Variants in TDRD9 observed in about 807,000 individuals in gnomAD.
The protein encoded by TDRD9 is tudor domain containing 9.
TDRD9 carries 124 observed loss-of-function variants against 172.6 expected under a neutral mutation model. The observed-to-expected ratio is 0.72, with a 90% CI of 0.62 to 0.83. The LOEUF is 0.83. Ranked by LOEUF, TDRD9 falls within the 40% of genes least tolerant of loss-of-function variation. TDRD9 has a pLI of 0.00. For missense variants in TDRD9, 1,479 were observed against 1,714.1 expected (o/e 0.86, Z 2.42); for synonymous variants, 619 against 617.1 (o/e 1.00, Z -0.05).
At chr14:103,937,416 A>G (rs987612655) in intron 1 of TDRD9, among the ~76,000 whole-genome samples, 2 of 152,210 alleles carry the variant, frequency 1.3e-5, no homozygotes, top group South Asian at 2.1e-4. Context: ...GACCCTGTTC[A>G]GATACCTCCT....
At chr14:103,930,218 C>T (rs2152112026) in intron 1 of TDRD9, among the ~76,000 whole-genome samples, 1 of 151,774 alleles carries the variant, frequency 6.6e-6, no homozygotes, top group East Asian at 1.9e-4. Flanking sequence ...CATAGTTTCG[C>T]TCTTGTTGCC....
chr14:103,928,516 C>A lies in TDRD9; in HGVS notation c.7C>A (p.Arg3=). The change falls in exon 1 of 36, where the codon CGG becomes AGG. Residue 3 remains arginine (R), a synonymous_variant. Transcript: ENST00000409874. The stretch of plus-strand genomic sequence containing the variant: ...CGACGCCTGGGCCTTGAGGATGCTG[C>A]GGAAGCTCACCATCGAGCAGATCAA... The part of the protein sequence containing the change: ML[R]KLTIEQINDW... The A allele has an allele frequency of 1.4e-6, 2 of 1,424,188 alleles. No homozygotes were observed. Among genetic ancestry groups the A allele is most frequent in the South Asian group, 1.3e-5 (1 of 74,324 alleles). 88.2% of individuals were successfully genotyped at this position (1,424,188 alleles called of 1,614,324 possible).
chr14:103,978,541 G>A (rs1392444141), intron 7 of TDRD9, among the ~76,000 whole-genome samples: 2 of 152,140 alleles, frequency 1.3e-5, no homozygotes, highest in East Asian at 3.8e-4. Context: ...TGCTACATTA[G>A]GTTTGGTCGC....
At chr14:103,986,445 T>C in intron 8 of TDRD9, 125 bp downstream of exon 8, 2 of 657,716 alleles carry the variant, frequency 3.0e-6, no homozygotes, top group South Asian at 2.1e-5. Context: ...GTAGTTACTG[T>C]ATATATTTTA....
intron 1 of TDRD9, among the ~76,000 whole-genome samples, chr14:103,939,557 G>A (rs891601284): frequency 6.6e-6 from 1 of 151,294 alleles, no homozygotes; most frequent in Non-Finnish European, 1.5e-5. Context: ...GACTGTGTTT[G>A]TCCTGTTAAA....
intron 13 of TDRD9, among the ~76,000 whole-genome samples, 172 bp downstream of exon 13, chr14:103,998,900 C>T (rs1164097504): frequency 3.3e-5 from 5 of 151,296 alleles, no homozygotes; most frequent in Non-Finnish European, 7.4e-5. Context: ...TCTTGCCATT[C>T]TCCTGCCTCA....
chr14:104,042,485 G>T (rs539126297), intron 34 of TDRD9, among the ~76,000 whole-genome samples: 1 of 152,216 alleles, frequency 6.6e-6, no homozygotes, highest in South Asian at 2.1e-4. Flanking sequence ...AGGGATTGGG[G>T]GAGTCCGGCT....
chr14:103,943,559 C>T (rs1187446), intron 1 of TDRD9, among the ~76,000 whole-genome samples: 35,646 of 149,122 alleles, frequency 0.24, 4,863 homozygotes, highest in South Asian at 0.43. Context: ...CTGTGTTGCC[C>T]AGGCTGGTCC....
chr14:104,004,223 ATC>A lies in TDRD9; in HGVS notation c.1484-10_1484-9del, dbSNP rs761061226. On this transcript the variant is annotated splice_polypyrimidine_tract_variant and intron_variant, in intron 13 of 35. Coordinates refer to ENST00000409874, the MANE Select transcript of TDRD9 (RefSeq NM_153046.3). ...AATTAATGCCAAACACTGTTTGCAC[ATC>A]TCTCCTTTGAAGGCCGTGCTGGACG... The A allele has an allele frequency of 6.9e-7, 1 of 1,441,650 alleles. No homozygotes were observed. Among genetic ancestry groups the A allele is most frequent in the Non-Finnish European group, 9.7e-7 (1 of 1,032,204 alleles). The allele number at this position is 1,441,650 out of a possible 1,614,324, so 89.3% of individuals were successfully genotyped here.
At chr14:103,943,857 G>C (rs1051884546) in intron 1 of TDRD9, among the ~76,000 whole-genome samples, 13 of 152,248 alleles carry the variant, frequency 8.5e-5, no homozygotes, top group African/African-American at 3.1e-4. Context: ...CCAGAGTGAC[G>C]TGTGTGGCCA....
chr14:104,004,922 G>A (rs986303317), intron 14 of TDRD9, among the ~76,000 whole-genome samples: 9 of 151,988 alleles, frequency 5.9e-5, no homozygotes, highest in African/African-American at 1.7e-4. Flanking sequence ...GTAATTGTGG[G>A]ATCAGCTTTT....
intron 20 of TDRD9, chr14:104,013,780 C>T (rs1345798163): frequency 6.6e-6 from 1 of 152,106 alleles, no homozygotes; most frequent in African/African-American, 2.4e-5. Flanking sequence ...GATGTGGTAA[C>T]CTCTTGGGAG....
Position 104,024,650 on chromosome 14 carries a change from A to G in TDRD9, c.2688A>G (p.Thr896=), listed in dbSNP as rs559335049. Residue 896 remains threonine (T), a synonymous_variant, in exon 25 of 36, where the codon ACA becomes ACG. Coordinates refer to ENST00000409874, the MANE Select transcript of TDRD9 (RefSeq NM_153046.3). ...CATCAGACAGGTCCCAGACAGTTAC[A>G]GATCTCCTTCTAACTATTGATGTCA... ...FNTSDRSQTV[T]DLLLTIDVTE... 1.9e-5 allele frequency: 30 copies of G among 1,610,560 alleles called. No homozygotes were observed. The Admixed American group carries it at 2.7e-4, about 14-fold the overall frequency.
chr14:104,043,793 A>G (rs1227279994), intron 34 of TDRD9, among the ~76,000 whole-genome samples: 2 of 152,228 alleles, frequency 1.3e-5, no homozygotes, highest in African/African-American at 4.8e-5. Flanking sequence ...AACACAACCT[A>G]GCTCTTCAGC....
rs563368593 is a variant in TDRD9 at position 103,936,439 on chromosome 14, C to G, written c.215+7715C>G. 7.4e-4 allele frequency among the ~76,000 whole-genome samples: 112 copies of G among 152,250 alleles called. 2 individuals are homozygous for G. The South Asian group carries it at 0.013, about 18-fold the overall frequency. On this transcript the variant is annotated intron_variant, in intron 1 of 35. Transcript: ENST00000409874. Reference sequence around the variant, plus strand: ...GCTTACAATATGTCATGTCCTTATTCTAGACATGGTGAGAGTTGCTTCCTC... The same window carrying G: ...GCTTACAATATGTCATGTCCTTATTGTAGACATGGTGAGAGTTGCTTCCTC...
Position 104,016,044 on chromosome 14 carries a change from G to A in TDRD9, c.2287G>A (p.Ala763Thr), listed in dbSNP as rs745509162. 122 of 1,604,372 alleles carry A rather than the reference G, an allele frequency of 7.6e-5. 3 individuals carry two copies. Among genetic ancestry groups the A allele is most frequent in the Middle Eastern group, 3.5e-4 (2 of 5,744 alleles). ...TTTTGGACAGCCGGATGAGGAGATG[G>A]CGGTGAGGGAGCTGGCTGGCAAGGA... Reference protein sequence around the residue: ...FTFGQPDEEMAVRELAGKDPK... With the variant: ...FTFGQPDEEMTVRELAGKDPK... The change falls in exon 22 of 36, where the codon GCG (alanine) becomes ACG (threonine). Residue 763 changes from alanine (A) to threonine (T), a missense_variant. This residue lies in a region of TDRD9 where 1,413 missense variants were observed against 1,649.1 expected (regional missense o/e 0.86). Transcript: ENST00000409874.
At chr14:103,964,650 C>T (rs530438691) in intron 3 of TDRD9, among the ~76,000 whole-genome samples, 1 of 152,264 alleles carries the variant, frequency 6.6e-6, no homozygotes, top group Admixed American at 6.5e-5. Context: ...CTTCAACCTC[C>T]CAAGTAGCTG....
intron 2 of TDRD9, among the ~76,000 whole-genome samples, chr14:103,959,478 G>A (rs1192217595): frequency 7.4e-6 from 1 of 134,520 alleles, no homozygotes; most frequent in Non-Finnish European, 1.6e-5. Context: ...GTGTGTGTGT[G>A]TGTATGTATA....
chr14:104,022,431 T>C, intron 24 of TDRD9, 101 bp downstream of exon 24: 1 of 1,278,792 alleles, frequency 7.8e-7, no homozygotes, highest in South Asian at 1.5e-5. Flanking sequence ...CAGATCATGG[T>C]AAAAGCACTG....
Sources: allele counts gnomAD v4.1 joint callset (sites outside exome capture counted in the v4.1 genomes callset), GRCh38; gene constraint gnomAD v4.1.1; regional missense constraint gnomAD v4.1.1; transcripts MANE v1.5; gene names NCBI Gene and HGNC (gene_info 2026-07-23, HGNC 2026-07-21).